AASS: variants seen among roughly 807,000 people sequenced by gnomAD.
AASS encodes alpha-aminoadipic semialdehyde synthase, mitochondrial.
Under a neutral mutation model 105.4 loss-of-function variants are expected in AASS, and 86 were observed. The ratio of observed to expected loss-of-function variants is 0.82; its 90% CI spans 0.69 to 0.98. AASS has a LOEUF of 0.98. Among genes scored for constraint, AASS ranks in the 50% least tolerant of loss-of-function variants. The probability of loss-of-function intolerance (pLI) is 0.00; values close to 1 mark genes in which losing one functional copy is unlikely to be tolerated. For missense variants in AASS, 1,048 were observed against 1,143.2 expected, an observed-to-expected ratio of 0.92 and a Z score of 1.20; for synonymous variants, 381 against 394.8, an observed-to-expected ratio of 0.96 and a Z score of 0.41.
intron 3 of AASS, among the ~76,000 whole-genome samples, chr7:122,128,806 C>A (rs768400218): frequency 6.6e-6 from 1 of 152,090 alleles, no homozygotes; most frequent in Non-Finnish European, 1.5e-5. Context: ...CAGCCAGGCA[C>A]GGTGGCTCAT....
intron 13 of AASS, among the ~76,000 whole-genome samples, chr7:122,100,940 C>T (rs189323385): frequency 4.2e-4 from 64 of 151,968 alleles, no homozygotes; most frequent in African/African-American, 1.4e-3. Context: ...CACGAATTCA[C>T]TTCCCTGAAC....
intron 19 of AASS, 55 bp downstream of exon 19, chr7:122,085,957 C>T: frequency 6.3e-7 from 1 of 1,580,150 alleles, no homozygotes; most frequent in African/African-American, 1.3e-5. Context: ...ATTAAGTGTA[C>T]ACATCACTTA....
chr7:122,114,382 C>A (rs2150534914), intron 9 of AASS, among the ~76,000 whole-genome samples: 1 of 152,288 alleles, frequency 6.6e-6, no homozygotes, highest in East Asian at 1.9e-4. Context: ...TTGCTCCTAG[C>A]ATTCCCTTGG....
At position 122,113,221 on chromosome 7, in the gene AASS, C is replaced by T. The variant is rs1395015169; in HGVS notation, c.1175G>A (p.Gly392Asp). Residue 392 changes from glycine to aspartate, a missense_variant, in exon 11 of 24, where the codon GGC (glycine) becomes GAC (aspartate). Physicochemically the swap from Gly to Asp is moderately conservative, Grantham distance 94 (BLOSUM62 -1). Coordinates refer to ENST00000417368, the MANE Select transcript of AASS (RefSeq NM_005763.4). ...DQHIIHDSVE[G>D]SGILMCSIDN... ...AATGGAACACATCAGGATCCCCGAG[C>T]CTTCAACACTAAAAGCAGCAATGTG... 5.0e-6 allele frequency: 8 copies of T among 1,613,842 alleles called. No individual in the cohort carries two copies. The Admixed American group carries it at 1.2e-4, about 24-fold the overall frequency.
intron 1 of AASS, among the ~76,000 whole-genome samples, chr7:122,141,022 C>A (rs1405191980): frequency 1.3e-5 from 2 of 152,084 alleles, no homozygotes; most frequent in Admixed American, 1.3e-4. Context: ...TGGAGAGGTT[C>A]AAAAGAGTTC....
chr7:122,081,757 T>C, intron 19 of AASS, 162 bp from the exon 20 acceptor site: 1 of 616,640 alleles, frequency 1.6e-6, no homozygotes, highest in South Asian at 2.0e-5. Flanking sequence ...CTAGCAGGTT[T>C]TCCTGTCTTT....
At chr7:122,093,413 A>G (rs1444727115) in intron 15 of AASS, among the ~76,000 whole-genome samples, 1 of 152,212 alleles carries the variant, frequency 6.6e-6, no homozygotes, top group Admixed American at 6.5e-5. Context: ...TATCTATCCA[A>G]AGGAAAATAG....
intron 18 of AASS, among the ~76,000 whole-genome samples, chr7:122,089,789 T>C (rs955924013): frequency 4.6e-5 from 7 of 152,184 alleles, no homozygotes; most frequent in African/African-American, 1.7e-4. Flanking sequence ...TTGCTCTTTC[T>C]TTTACATGGT....
intron 14 of AASS, 46 bp downstream of exon 14, chr7:122,098,699 C>T (rs368825152): frequency 4.6e-5 from 74 of 1,597,148 alleles, no homozygotes; most frequent in Non-Finnish European, 5.6e-5. Flanking sequence ...GAAGTCAACA[C>T]GCTATAAAAT....
intron 11 of AASS, among the ~76,000 whole-genome samples, chr7:122,103,871 G>A (rs1447832758): frequency 6.6e-6 from 1 of 151,940 alleles, no homozygotes; most frequent in Non-Finnish European, 1.5e-5. Flanking sequence ...CTGAATTTAA[G>A]TTGTTATTAG....
At position 122,078,844 on chromosome 7, in the gene AASS, T is replaced by TA. The variant is rs903506271; in HGVS notation, c.2485+17dup. On this transcript the variant is annotated intron_variant, in intron 22 of 23. Transcript: ENST00000417368. ...TGATTCTTCTTTAGGTATATTTAGCTAATACTTCATGGCCTACCATAGGAA... is the reference window on the plus strand; with the variant it reads ...TGATTCTTCTTTAGGTATATTTAGCTAAATACTTCATGGCCTACCATAGGAA... 2 of 1,605,698 alleles carry TA rather than the reference T, an allele frequency of 1.2e-6. No homozygotes were observed. The highest frequency in any genetic ancestry group is 1.7e-5 in the Admixed American group (1 of 59,976).
rs751949277 is a variant in AASS at position 122,091,744 on chromosome 7, T to C, written c.1975A>G (p.Met659Val). 3 of 1,612,698 alleles carry C rather than the reference T, an allele frequency of 1.9e-6. No homozygotes were observed. In the South Asian group the frequency reaches 3.3e-5, roughly 18 times the overall value. ...TAGGTGGCAGACTGCATTACATTCATCAAAACTCCCACTGGACTCCAGCTA... is the reference window on the plus strand; with the variant it reads ...TAGGTGGCAGACTGCATTACATTCACCAAAACTCCCACTGGACTCCAGCTA... ...KFSWSPVGVL[M>V]NVMQSATYLL... The change falls in exon 18 of 24, where the codon ATG becomes GTG. Residue 659 changes from methionine to valine, a missense_variant. By Grantham distance (21) the Met-to-Val change is conservative. Coordinates refer to ENST00000417368, the MANE Select transcript of AASS (RefSeq NM_005763.4).
In AASS at chr7:122,075,203, A is replaced by G. The variant is rs1367869392; in HGVS notation, c.*1286T>C. Among the ~76,000 whole-genome samples, 3 of 152,170 alleles carry G rather than the reference A, an allele frequency of 2.0e-5. No homozygotes were observed. The highest frequency in any genetic ancestry group is 4.4e-5 in the Non-Finnish European group (3 of 68,010). ...TTGAAAATTAAATTGTTTTCTTAAC[A>G]TCATTTTTGATTTATTCATTGATAC... On this transcript the variant is annotated 3_prime_UTR_variant, in exon 24 of 24. Transcript: ENST00000417368.
rs371202576 is a variant in AASS, at chr7:122,079,694, G to A, written c.2299C>T (p.Leu767=). 3.1e-6 allele frequency: 5 copies of A among 1,612,862 alleles called. No individual in the cohort carries two copies. In the African/African-American group the frequency reaches 6.7e-5, roughly 22 times the overall value. The change falls in exon 21 of 24, where the codon CTA becomes TTA. Residue 767 remains leucine (L), a synonymous_variant. Coordinates refer to ENST00000417368, the MANE Select transcript of AASS (RefSeq NM_005763.4). ...TCAGAGGAGGGTGAAATCCCAACTA[G>A]GTCACAGAGGAGTTGTTTCTGGTTA... The part of the protein sequence containing the change: ...PLTWKQLLCD[L]VGISPSSEHD...
At chr7:122,109,506 T>C (rs1794831453) in intron 11 of AASS, among the ~76,000 whole-genome samples, 1 of 151,776 alleles carries the variant, frequency 6.6e-6, no homozygotes, top group Non-Finnish European at 1.5e-5. Context: ...TGCATCTATA[T>C]CCACCAGTTT....
chr7:122,079,142 G>T, intron 21 of AASS, 192 bp from the exon 22 acceptor site: 1 of 1,482,184 alleles, frequency 6.7e-7, no homozygotes, highest in South Asian at 1.3e-5. Flanking sequence ...ATCTTCTCCA[G>T]ACTCACCCAG....
At chr7:122,122,665 TGAG>T (rs1795491962) in intron 4 of AASS, among the ~76,000 whole-genome samples, 2 of 152,038 alleles carry the variant, frequency 1.3e-5, no homozygotes, top group African/African-American at 2.4e-5. Flanking sequence ...ACAAACAAAA[TGAG>T]GAGTAGAGGA....
At chr7:122,118,895 T>C (rs1216857575) in intron 4 of AASS, among the ~76,000 whole-genome samples, 2 of 152,168 alleles carry the variant, frequency 1.3e-5, no homozygotes, top group Non-Finnish European at 2.9e-5. Flanking sequence ...GGCTAATCTC[T>C]CCACCTTGGC....
intron 18 of AASS, among the ~76,000 whole-genome samples, chr7:122,087,725 T>C (rs1200596656): frequency 1.3e-5 from 2 of 152,142 alleles, no homozygotes; most frequent in South Asian, 4.1e-4. Context: ...CGTTGACTTT[T>C]AGGGTCTTCA....
Sources: allele counts gnomAD v4.1 joint callset (sites outside exome capture counted in the v4.1 genomes callset), GRCh38; gene constraint gnomAD v4.1.1; transcripts MANE v1.5; gene names NCBI Gene and HGNC (gene_info 2026-07-23, HGNC 2026-07-21).